WNT2B: variants seen among roughly 807,000 people sequenced by gnomAD.
WNT2B encodes the protein Wnt family member 2B.
A neutral mutation model predicts 40.5 loss-of-function variants in WNT2B; 19 were observed. That is an observed-to-expected ratio of 0.47 (90% CI 0.33 to 0.69). WNT2B has a LOEUF of 0.69. Ranked by LOEUF, WNT2B falls within the 30% of genes least tolerant of loss-of-function variation. The pLI, the probability that WNT2B is intolerant of heterozygous loss-of-function variation, is 0.02. For synonymous variants in WNT2B, 220 were observed against 211.9 expected (o/e 1.04, Z -0.33); for missense variants, 467 against 556.4 (o/e 0.84, Z 1.62).
chr1:112,514,787 C>A, intron 1 of WNT2B, 87 bp from the exon 2 acceptor site: 1 of 1,301,830 alleles, frequency 7.7e-7, no homozygotes, highest in Non-Finnish European at 1.1e-6. Context: ...TCTTCAAGGT[C>A]TGGATGCTAA....
At position 112,525,529 on chromosome 1, in the gene WNT2B, T is replaced by TCG; in HGVS notation, c.*5021_*5022insGC. The TCG allele has an allele frequency of 6.8e-6, 1 of 147,828 alleles. No individual in the cohort carries two copies. The allele number at this position is 147,828 out of a possible 1,614,324, so 9.2% of individuals were successfully genotyped here. ...TATCTCTGAGCATCTCGGTGGCTAT[T>TCG]CCTCATTTACTTAAGATGTTTTAGT... is the stretch of plus-strand genomic sequence containing the variant. On this transcript the variant is annotated 3_prime_UTR_variant, in exon 5 of 5. Transcript: ENST00000369684.
At chr1:112,503,570 G>C (rs1652023155) in intron 1 of WNT2B, among the ~76,000 whole-genome samples, 5 of 152,132 alleles carry the variant, frequency 3.3e-5, no homozygotes. Context: ...AAGCCACAGA[G>C]AGTCAGAAAC....
intron 1 of WNT2B, among the ~76,000 whole-genome samples, chr1:112,479,960 C>T (rs1053922075): frequency 8.6e-5 from 13 of 152,034 alleles, no homozygotes; most frequent in African/African-American, 3.1e-4. Flanking sequence ...GATCTGCCTG[C>T]CTCAGCCTCC....
Position 112,514,501 on chromosome 1 carries a change from T to C in WNT2B, c.183-373T>C, listed in dbSNP as rs572320299. 3.9e-5 allele frequency among the ~76,000 whole-genome samples: 6 copies of C among 152,286 alleles called. No individual in the cohort carries two copies. In the East Asian group the frequency reaches 1.2e-3, roughly 29 times the overall value. ...AGTGTTGTCTCAGACCCTTATTTTGTTAGTTTATGTTTCCATGAAGCTCTT... is the reference window on the plus strand; with the variant it reads ...AGTGTTGTCTCAGACCCTTATTTTGCTAGTTTATGTTTCCATGAAGCTCTT... On this transcript the variant is annotated intron_variant, in intron 1 of 4. Coordinates refer to ENST00000369684, the MANE Select transcript of WNT2B (RefSeq NM_024494.3).
At position 112,509,065 on chromosome 1, in the gene WNT2B, T is replaced by C; in HGVS notation, c.-198T>C. The C allele has an allele frequency of 5.2e-6, 7 of 1,352,296 alleles. No homozygotes were observed. Among genetic ancestry groups the C allele is most frequent in the Non-Finnish European group, 5.7e-6 (6 of 1,061,616 alleles). 83.8% of individuals were successfully genotyped at this position (1,352,296 alleles called of 1,614,324 possible). On this transcript the variant is annotated 5_prime_UTR_variant, in exon 1 of 5. Transcript: ENST00000369684. The surrounding 1 kb of genome is among the most constrained non-coding windows in gnomAD (Gnocchi z 4.2). ...AGACCCCGGGTTCGGCACGCCGTCGTCGGCTTCCGGACATCGCAACTTGCG... is the reference window on the plus strand; with the variant it reads ...AGACCCCGGGTTCGGCACGCCGTCGCCGGCTTCCGGACATCGCAACTTGCG...
Position 112,522,670 on chromosome 1 carries a change from C to A in WNT2B, c.*2161C>A, listed in dbSNP as rs1399453243. Reference sequence around the variant, plus strand: ...CTAATATTTGTGTAACCTGCTGAGACCTGTGTGGGAGAGTTTAGGGTGGTT... The same window carrying A: ...CTAATATTTGTGTAACCTGCTGAGAACTGTGTGGGAGAGTTTAGGGTGGTT... On this transcript the variant is annotated 3_prime_UTR_variant, in exon 5 of 5. Transcript: ENST00000369684. 6.6e-6 allele frequency: 1 copy of A among 152,184 alleles called. No individual in the cohort carries two copies. Among genetic ancestry groups the A allele is most frequent in the Non-Finnish European group, 1.5e-5 (1 of 68,082 alleles). The allele number at this position is 152,184 out of a possible 1,614,324, so 9.4% of individuals were successfully genotyped here. A position where few individuals can be genotyped will look rare whatever the true frequency, so the allele number is the denominator to read the frequency against.
At position 112,515,378 on chromosome 1, in the gene WNT2B, CAGCTTGGGAGGCT is replaced by C. The variant is rs1451138678; in HGVS notation, c.403+286_403+298del. On this transcript the variant is annotated intron_variant, in intron 2 of 4. Transcript: ENST00000369684. The surrounding 1 kb of genome is among the most constrained non-coding windows in gnomAD (Gnocchi z 4.4). ...CATTTTCCTTGTCCTCCCCAATCCC[CAGCTTGGGAGGCT>C]ACCATGTACTGTAAGGCTGAGGTCT... Among the ~76,000 whole-genome samples, 10 of 152,196 alleles carry C rather than the reference CAGCTTGGGAGGCT, an allele frequency of 6.6e-5. No homozygotes were observed. Among genetic ancestry groups the C allele is most frequent in the African/African-American group, 7.2e-5 (3 of 41,442 alleles).
At chr1:112,484,881 C>A (rs1651366106) in intron 1 of WNT2B, among the ~76,000 whole-genome samples, 1 of 152,008 alleles carries the variant, frequency 6.6e-6, no homozygotes, top group African/African-American at 2.4e-5. Context: ...ACAAAAACTA[C>A]AAGTCATTGC....
chr1:112,526,085 G>A lies in WNT2B; in HGVS notation c.*5576G>A. 2 of 1,614,146 alleles carry A rather than the reference G, an allele frequency of 1.2e-6. No homozygotes were observed. Among genetic ancestry groups the A allele is most frequent in the Non-Finnish European group, 8.5e-7 (1 of 1,180,036 alleles). ...TCTCCTCAAAGCCTGAGGATGCCCAGGGTTGGGGGCACCAGAGTCCCAGCA... is the reference window on the plus strand; with the variant it reads ...TCTCCTCAAAGCCTGAGGATGCCCAAGGTTGGGGGCACCAGAGTCCCAGCA... On this transcript the variant is annotated 3_prime_UTR_variant, in exon 5 of 5. Transcript: ENST00000369684.
chr1:112,503,868 A>G (rs1652032169), intron 1 of WNT2B, among the ~76,000 whole-genome samples: 1 of 152,056 alleles, frequency 6.6e-6, no homozygotes, highest in African/African-American at 2.4e-5. Flanking sequence ...ACCCAGGGAG[A>G]TGGAGACTCA....
chr1:112,509,111 C>T lies in WNT2B; in HGVS notation c.-152C>T. 7.4e-7 allele frequency: 1 copy of T among 1,359,456 alleles called. No individual in the cohort carries two copies. The highest frequency in any genetic ancestry group is 9.4e-7 in the Non-Finnish European group (1 of 1,064,306). 84.2% of individuals were successfully genotyped at this position (1,359,456 alleles called of 1,614,324 possible). ...TTGCGCCCCTCTCGGGGATCCTCCTCCCGGGCTCTGGACCCCAGGTGATCC... is the reference window on the plus strand; with the variant it reads ...TTGCGCCCCTCTCGGGGATCCTCCTTCCGGGCTCTGGACCCCAGGTGATCC... On this transcript the variant is annotated 5_prime_UTR_variant, in exon 1 of 5. Transcript: ENST00000369684. This position sits in a 1 kb window ranked among gnomAD's most constrained non-coding sequence, Gnocchi z 4.2.
chr1:112,487,267 A>G (rs1242867907), intron 1 of WNT2B, among the ~76,000 whole-genome samples: 3 of 152,236 alleles, frequency 2.0e-5, no homozygotes, highest in Non-Finnish European at 2.9e-5. Flanking sequence ...AGTAAATAAA[A>G]GATTCGTGGT....
intron 1 of WNT2B, among the ~76,000 whole-genome samples, chr1:112,478,946 G>A (rs1253229346): frequency 1.3e-5 from 2 of 152,034 alleles, no homozygotes; most frequent in African/African-American, 4.8e-5. Context: ...AAAGGGCTGG[G>A]CGCAGTGGCT....
intron 1 of WNT2B, among the ~76,000 whole-genome samples, chr1:112,472,495 C>G (rs74112722): frequency 0.069 from 10,322 of 150,286 alleles, 1,190 homozygotes; most frequent in African/African-American, 0.24. Context: ...AGTTTTGTCT[C>G]TATAGTGGGC....
chr1:112,518,765 A>G (rs1314805565), intron 4 of WNT2B, among the ~76,000 whole-genome samples: 1 of 152,172 alleles, frequency 6.6e-6, no homozygotes, highest in Non-Finnish European at 1.5e-5. Context: ...TAGGCCTCCT[A>G]AAACCCAAAG....
chr1:112,497,481 C>T lies in WNT2B; in HGVS notation c.-94-17393C>T, dbSNP rs115031460. On this transcript the variant is annotated intron_variant, in intron 1 of 4. Coordinates refer to the WNT2B transcript ENST00000256640. The stretch of plus-strand genomic sequence containing the variant: ...CCACATAGCAAAGATTTTAAATGGC[C>T]CTGGGCAGGAAATCCTGAGGTCTCA... Among the ~76,000 whole-genome samples, 459 of 152,320 alleles carry T rather than the reference C, an allele frequency of 3.0e-3. 2 individuals are homozygous for T. The highest frequency in any genetic ancestry group is 0.01 in the African/African-American group (434 of 41,564).
exon 1 of WNT2B, chr1:112,466,742 T>G (rs1650721445): frequency 6.6e-6 from 1 of 152,228 alleles, no homozygotes; most frequent in South Asian, 2.1e-4. Context: ...TATGCATTCA[T>G]CCATTTAATT....
chr1:112,498,857 A>C (rs1269665872), intron 1 of WNT2B, among the ~76,000 whole-genome samples: 1 of 152,150 alleles, frequency 6.6e-6, no homozygotes, highest in Admixed American at 6.5e-5. Context: ...ACACCAATGT[A>C]AGTTTTTCCA....
chr1:112,512,413 G>C (rs536355445), intron 1 of WNT2B, among the ~76,000 whole-genome samples: 66 of 152,320 alleles, frequency 4.3e-4, no homozygotes, highest in African/African-American at 1.6e-3. Flanking sequence ...TAGGCCTTGG[G>C]TGGGGCCTGA....
Sources: allele counts gnomAD v4.1 joint callset (sites outside exome capture counted in the v4.1 genomes callset), GRCh38; gene constraint gnomAD v4.1.1; non-coding constraint Gnocchi (gnomAD v3.1); transcripts MANE v1.5; gene names NCBI Gene and HGNC (gene_info 2026-07-23, HGNC 2026-07-21).